KCNK2: variants seen among roughly 807,000 people sequenced by gnomAD.
KCNK2 encodes potassium two pore domain channel subfamily K member 2, also known as potassium channel subfamily K member 2.
KCNK2 carries 21 observed loss-of-function variants against 40.5 expected under a neutral mutation model. That is an observed-to-expected ratio of 0.52 (90% CI 0.37 to 0.75). The LOEUF is 0.75. Ranked by LOEUF, KCNK2 falls within the 30% of genes least tolerant of loss-of-function variation. The pLI, the probability that KCNK2 is intolerant of heterozygous loss-of-function variation, is 0.00. For synonymous variants in KCNK2, 191 were observed against 202.2 expected, an observed-to-expected ratio of 0.94 and a Z score of 0.47; for missense variants, 399 against 531.6, an observed-to-expected ratio of 0.75 and a Z score of 2.45.
chr1:215,107,605 G>A (rs890650606), intron 2 of KCNK2, among the ~76,000 whole-genome samples: 5 of 152,094 alleles, frequency 3.3e-5, no homozygotes, highest in Admixed American at 6.6e-5. Context: ...GTGATGTTGA[G>A]CATCTTTTCA....
At chr1:215,149,048 C>CCAAAA (rs1662566785) in intron 3 of KCNK2, among the ~76,000 whole-genome samples, 2 of 152,136 alleles carry the variant, frequency 1.3e-5, no homozygotes, top group Non-Finnish European at 2.9e-5. Context: ...GATTTTGGAA[C>CCAAAA]ACTTAAGGGT....
At chr1:215,185,772 C>G (rs968002745) in intron 5 of KCNK2, among the ~76,000 whole-genome samples, 14 of 152,162 alleles carry the variant, frequency 9.2e-5, no homozygotes, top group African/African-American at 3.1e-4. Context: ...GAAACAAAGA[C>G]GTCCCTTCCA....
In KCNK2 at chr1:215,216,416, A is replaced by G. The variant is rs989035965; in HGVS notation, c.964-18412A>G. Among the ~76,000 whole-genome samples, 55 of 11,262 alleles carry G rather than the reference A, an allele frequency of 4.9e-3. No individual in the cohort carries two copies. The Non-Finnish European group carries it at 0.18, about 37-fold the overall frequency. The allele number at this position is 11,262 out of a possible 152,430, so 7.4% of individuals were successfully genotyped here. ...TGCATATAATGTATTAATATTGTAT[A>G]TTATATGTTATAATATATATTTGTA... On this transcript the variant is annotated intron_variant, in intron 6 of 6. Transcript: ENST00000444842.
chr1:215,067,142 AG>A (rs776292366), intron 1 of KCNK2, among the ~76,000 whole-genome samples: 2 of 152,172 alleles, frequency 1.3e-5, no homozygotes, highest in Non-Finnish European at 2.9e-5. Context: ...ATCTAAAGCA[AG>A]TCCGCCAACT....
chr1:215,170,779 G>T (rs759725366), intron 4 of KCNK2, among the ~76,000 whole-genome samples: 9 of 151,968 alleles, frequency 5.9e-5, no homozygotes, highest in Non-Finnish European at 1.3e-4. Flanking sequence ...CAGATTGACG[G>T]CATAAACATG....
chr1:215,055,697 C>T lies in KCNK2; in HGVS notation c.35-30671C>T, dbSNP rs181377614. Among the ~76,000 whole-genome samples the T allele has an allele frequency of 2.7e-3, 405 of 152,278 alleles. 1 individual carries two copies. Among genetic ancestry groups the T allele is most frequent in the African/African-American group, 3.8e-3 (158 of 41,566 alleles). Reference sequence around the variant, plus strand: ...CACCCTCCATTCATGGCAGTTCAAACGCTTTGCTTCCTGGTTGGATTTCTG... The same window carrying T: ...CACCCTCCATTCATGGCAGTTCAAATGCTTTGCTTCCTGGTTGGATTTCTG... On this transcript the variant is annotated intron_variant, in intron 1 of 6. Transcript: ENST00000391895.
intron 3 of KCNK2, among the ~76,000 whole-genome samples, chr1:215,131,417 A>T (rs1177311655): frequency 6.8e-6 from 1 of 146,984 alleles, no homozygotes; most frequent in African/African-American, 2.5e-5. Flanking sequence ...TTTATATTTT[A>T]TATAATTATA....
chr1:215,164,589 G>A (rs891356020), intron 3 of KCNK2, among the ~76,000 whole-genome samples: 2 of 152,144 alleles, frequency 1.3e-5, no homozygotes, highest in Non-Finnish European at 2.9e-5. Flanking sequence ...TGCTTTAGCC[G>A]TGTCCCAGAG....
In KCNK2 at chr1:215,008,509, G is replaced by T. The variant is rs191480782; in HGVS notation, c.34+2554G>T. Among the ~76,000 whole-genome samples the T allele has an allele frequency of 2.5e-4, 38 of 152,164 alleles. No individual in the cohort carries two copies. In the East Asian group the frequency reaches 4.3e-3, roughly 17 times the overall value. The stretch of plus-strand genomic sequence containing the variant: ...CTACTTATAAACAGAGTGACTTTGG[G>T]CAAATTACCTAACTACCAAGACTGT... On this transcript the variant is annotated intron_variant, in intron 1 of 6. Coordinates refer to the KCNK2 transcript ENST00000391895.
intron 5 of KCNK2, among the ~76,000 whole-genome samples, chr1:215,177,977 C>T (rs1350243042): frequency 2.6e-5 from 4 of 151,640 alleles, no homozygotes; most frequent in Non-Finnish European, 5.9e-5. Flanking sequence ...CAGTATGGTA[C>T]TTTTAAAAAT....
upstream of KCNK2, among the ~76,000 whole-genome samples, chr1:215,080,692 T>C (rs1349944746): frequency 6.6e-6 from 1 of 152,140 alleles, no homozygotes; most frequent in Admixed American, 6.5e-5. Flanking sequence ...GTGACAAGTA[T>C]AAAGATAGAT....
At chr1:215,148,393 TG>T (rs545407059) in intron 3 of KCNK2, among the ~76,000 whole-genome samples, 90 of 152,038 alleles carry the variant, frequency 5.9e-4, no homozygotes, top group Non-Finnish European at 9.9e-4. Flanking sequence ...TTTTTAAGGG[TG>T]TTTTTTTTAA....
intron 6 of KCNK2, among the ~76,000 whole-genome samples, chr1:215,224,705 T>G (rs1666314439): frequency 6.6e-6 from 1 of 152,106 alleles, no homozygotes; most frequent in African/African-American, 2.4e-5. Context: ...AACATGAAAT[T>G]CAGGACTGGC....
chr1:215,187,143 G>A (rs1200271605), intron 5 of KCNK2, among the ~76,000 whole-genome samples: 1 of 151,954 alleles, frequency 6.6e-6, no homozygotes, highest in African/African-American at 2.4e-5. Context: ...CTAATTTTCT[G>A]TATTTTTTGT....
chr1:215,149,033 T>C (rs1438501348), intron 3 of KCNK2, among the ~76,000 whole-genome samples: 2 of 152,198 alleles, frequency 1.3e-5, no homozygotes, highest in Non-Finnish European at 2.9e-5. Flanking sequence ...TGATTTGTGC[T>C]GAACGATTTT....
chr1:215,041,374 C>T (rs1657555885), intron 1 of KCNK2, among the ~76,000 whole-genome samples: 1 of 152,010 alleles, frequency 6.6e-6, no homozygotes, highest in African/African-American at 2.4e-5. Flanking sequence ...ATGTGCTAAC[C>T]CATAGTTAGC....
intron 1 of KCNK2, among the ~76,000 whole-genome samples, chr1:215,008,883 A>C (rs1656279650): frequency 6.6e-6 from 1 of 152,114 alleles, no homozygotes. Context: ...TAAAGAAAGT[A>C]ATGTGTTCTG....
chr1:215,062,517 A>G (rs1293171443), intron 1 of KCNK2, among the ~76,000 whole-genome samples: 1 of 151,202 alleles, frequency 6.6e-6, no homozygotes, highest in East Asian at 2.0e-4. Context: ...CTCTAAGGGG[A>G]AGGTGGGATG....
chr1:215,066,090 G>C (rs1281554377), intron 1 of KCNK2, among the ~76,000 whole-genome samples: 1 of 151,476 alleles, frequency 6.6e-6, no homozygotes, highest in Non-Finnish European at 1.5e-5. Flanking sequence ...ACAGGGAGGG[G>C]AACATCACAC....
Sources: gnomAD v4.1 joint callset for allele counts (sites outside exome capture counted in the v4.1 genomes callset) on GRCh38, gnomAD v4.1.1 for gene constraint, MANE v1.5 for transcripts, NCBI Gene and HGNC (gene_info 2026-07-23, HGNC 2026-07-21) for gene names.